The following NAALADL2 variants were observed in gnomAD, a reference collection of about 807,000 sequenced individuals.
The protein encoded by NAALADL2 is N-acetylated alpha-linked acidic dipeptidase like 2, also known as inactive N-acetylated-alpha-linked acidic dipeptidase-like protein 2.
NAALADL2 carries 76 observed loss-of-function variants against 87.2 expected under a neutral mutation model. The ratio of observed to expected loss-of-function variants is 0.87; its 90% confidence interval spans 0.72 to 1.05. The LOEUF (loss-of-function observed/expected upper bound fraction) is 1.05, where lower values mean the gene tolerates loss of function less well. Ranked by LOEUF, NAALADL2 falls within the 50% of genes least tolerant of loss-of-function variation. The probability of loss-of-function intolerance (pLI) is 0.00; values close to 1 mark genes in which losing one functional copy is unlikely to be tolerated. For synonymous variants in NAALADL2, 354 were observed against 331.0 expected (o/e 1.07, Z -0.75); for missense variants, 1,089 against 945.8 (o/e 1.15, Z -1.99).
intron 11 of NAALADL2, among the ~76,000 whole-genome samples, chr3:175,629,338 A>G (rs904562660): frequency 6.8e-6 from 1 of 147,760 alleles, no homozygotes; most frequent in African/African-American, 2.5e-5. Flanking sequence ...ATGGATATAT[A>G]TTTTTATGAA....
chr3:174,797,299 TTTTTTC>T (rs1190655916), intron 3 of NAALADL2, among the ~76,000 whole-genome samples: 18 of 103,326 alleles, frequency 1.7e-4, no homozygotes, highest in East Asian at 9.3e-4. Flanking sequence ...TTTGTTTTTC[TTTTTTC>T]TTTTTTTTTT....
At chr3:174,543,837 G>A (rs925858292) in intron 1 of NAALADL2, among the ~76,000 whole-genome samples, 8 of 151,846 alleles carry the variant, frequency 5.3e-5, no homozygotes, top group African/African-American at 1.5e-4. Flanking sequence ...ACAAAACCCT[G>A]TCTCTACTAA....
At chr3:175,092,737 C>G (rs1018116553) in intron 1 of NAALADL2, among the ~76,000 whole-genome samples, 3 of 151,668 alleles carry the variant, frequency 2.0e-5, no homozygotes, top group Non-Finnish European at 4.4e-5. Flanking sequence ...CAACTTGTAT[C>G]TGTTTTATTT....
chr3:175,332,473 T>G (rs2112042), intron 5 of NAALADL2, among the ~76,000 whole-genome samples: 57,381 of 151,996 alleles, frequency 0.38, 11,224 homozygotes, highest in East Asian at 0.52. Flanking sequence ...GCTAATATTT[T>G]TATTATTTGT....
intron 2 of NAALADL2, among the ~76,000 whole-genome samples, chr3:174,648,147 C>T (rs1723989604): frequency 6.6e-6 from 1 of 151,960 alleles, no homozygotes; most frequent in Non-Finnish European, 1.5e-5. Flanking sequence ...ACTTTTATTA[C>T]AGTATATTGT....
At chr3:175,171,628 G>A (rs1734828601) in intron 2 of NAALADL2, among the ~76,000 whole-genome samples, 1 of 152,044 alleles carries the variant, frequency 6.6e-6, no homozygotes, top group Non-Finnish European at 1.5e-5. Context: ...AAAAAGCAGA[G>A]TTGTTATTTC....
chr3:175,667,365 A>G (rs926233248), intron 11 of NAALADL2, among the ~76,000 whole-genome samples: 8 of 152,158 alleles, frequency 5.3e-5, no homozygotes, highest in Non-Finnish European at 7.4e-5. Flanking sequence ...ATTGCAGAGG[A>G]TGAAATATGA....
chr3:175,735,674 T>G (rs1259807497), intron 11 of NAALADL2, among the ~76,000 whole-genome samples: 2 of 152,092 alleles, frequency 1.3e-5, no homozygotes, highest in Non-Finnish European at 2.9e-5. Context: ...ACATTCACTA[T>G]CATGAGAACA....
chr3:174,449,891 T>A (rs1426265488), intron 1 of NAALADL2, among the ~76,000 whole-genome samples: 1 of 152,134 alleles, frequency 6.6e-6, no homozygotes, highest in Non-Finnish European at 1.5e-5. Flanking sequence ...ATGTTCCACA[T>A]GATATTGTTA....
At chr3:174,848,350 C>A (rs1410713939) in intron 3 of NAALADL2, among the ~76,000 whole-genome samples, 1 of 151,914 alleles carries the variant, frequency 6.6e-6, no homozygotes, top group African/African-American at 2.4e-5. Flanking sequence ...AGTTTTTTCC[C>A]CTTGAGTAGT....
chr3:174,812,437 C>T (rs1282861696), intron 3 of NAALADL2, among the ~76,000 whole-genome samples: 2 of 152,130 alleles, frequency 1.3e-5, no homozygotes, highest in Non-Finnish European at 2.9e-5. Flanking sequence ...ATATTACATA[C>T]AATTATTTAT....
At chr3:175,242,835 A>T (rs946400813) in intron 3 of NAALADL2, among the ~76,000 whole-genome samples, 1 of 152,198 alleles carries the variant, frequency 6.6e-6, no homozygotes, top group African/African-American at 2.4e-5. Context: ...GGCATTTAAA[A>T]TTGCTTGGCT....
In NAALADL2 at chr3:175,376,612, A is replaced by G. The variant is rs76119613; in HGVS notation, c.1090+52287A>G. 5.3e-5 allele frequency among the ~76,000 whole-genome samples: 8 copies of G among 152,154 alleles called. No individual in the cohort carries two copies. In the East Asian group the frequency reaches 1.4e-3, roughly 26 times the overall value. ...GCTTGGTGTTCTGTGTGTTTATCTA[A>G]CTTCATGTTCTTTACACTTTTGGGG... On this transcript the variant is annotated intron_variant, in intron 5 of 13. Transcript: ENST00000454872.
chr3:175,012,982 C>T (rs1370221508), intron 1 of NAALADL2, among the ~76,000 whole-genome samples: 5 of 111,004 alleles, frequency 4.5e-5, no homozygotes, highest in Non-Finnish European at 6.7e-5. Context: ...TATATATACA[C>T]AAAAATATAT....
At chr3:174,648,556 A>G (rs1724040777) in intron 2 of NAALADL2, among the ~76,000 whole-genome samples, 1 of 152,138 alleles carries the variant, frequency 6.6e-6, no homozygotes, top group Non-Finnish European at 1.5e-5. Context: ...AACCCTAAAA[A>G]GAAAAATGTT....
intron 2 of NAALADL2, among the ~76,000 whole-genome samples, chr3:174,681,823 A>G (rs993321369): frequency 6.6e-6 from 1 of 152,074 alleles, no homozygotes. Context: ...GGGGTAGAAA[A>G]CTAGTGGACT....
chr3:174,947,087 T>G (rs1296841209), intron 1 of NAALADL2, among the ~76,000 whole-genome samples: 1 of 152,166 alleles, frequency 6.6e-6, no homozygotes, highest in Non-Finnish European at 1.5e-5. Context: ...AATTGCGTTG[T>G]GCTCAGTTAG....
chr3:175,301,339 A>G (rs1397083292), intron 4 of NAALADL2, among the ~76,000 whole-genome samples: 1 of 152,134 alleles, frequency 6.6e-6, no homozygotes, highest in Non-Finnish European at 1.5e-5. Flanking sequence ...GCGGGTTGAT[A>G]GGTGCAGCAA....
At chr3:175,553,842 A>G (rs1174284912) in intron 9 of NAALADL2, among the ~76,000 whole-genome samples, 1 of 152,092 alleles carries the variant, frequency 6.6e-6, no homozygotes, top group African/African-American at 2.4e-5. Flanking sequence ...AATTTGAGAA[A>G]TATTTATAAA....
Sources: allele counts gnomAD v4.1 joint callset (sites outside exome capture counted in the v4.1 genomes callset), GRCh38; gene constraint gnomAD v4.1.1; transcripts MANE v1.5; gene names NCBI Gene and HGNC (gene_info 2026-07-23, HGNC 2026-07-21).